Variants in UBR3 observed in about 807,000 individuals in gnomAD.
UBR3 encodes E3 ubiquitin-protein ligase UBR3.
A neutral mutation model predicts 243.2 loss-of-function variants in UBR3; 85 were observed. The observed-to-expected ratio is 0.35, with a 90% CI of 0.29 to 0.42. The LOEUF (loss-of-function observed/expected upper bound fraction) is 0.42, where lower values mean the gene tolerates loss of function less well. Among genes scored for constraint, UBR3 ranks in the 10% least tolerant of loss-of-function variants. The probability of loss-of-function intolerance (pLI) is 1.00; values close to 1 mark genes in which losing one functional copy is unlikely to be tolerated. For missense variants in UBR3, 1,686 were observed against 2,300.8 expected (o/e 0.73, Z 5.47); for synonymous variants, 748 against 799.8 (o/e 0.94, Z 1.09).
intron 1 of UBR3, among the ~76,000 whole-genome samples, chr2:169,840,694 T>C (rs1559005051): frequency 6.6e-6 from 1 of 152,294 alleles, no homozygotes; most frequent in East Asian, 1.9e-4. Context: ...ACCTGCCCTG[T>C]GACAGTTCTC....
chr2:170,021,233 G>A (rs2090383225), intron 30 of UBR3, among the ~76,000 whole-genome samples: 2 of 152,162 alleles, frequency 1.3e-5, no homozygotes, highest in South Asian at 4.1e-4. Flanking sequence ...ATTGGGGGGT[G>A]TGTGGATAAG....
chr2:170,030,975 CG>C (rs1354425886), intron 31 of UBR3, among the ~76,000 whole-genome samples: 1 of 151,972 alleles, frequency 6.6e-6, no homozygotes, highest in Admixed American at 6.6e-5. Flanking sequence ...TATTATTTTT[CG>C]GGGAGATGGG....
intron 1 of UBR3, among the ~76,000 whole-genome samples, chr2:169,870,290 C>T (rs2083393005): frequency 6.6e-6 from 1 of 151,952 alleles, no homozygotes; most frequent in African/African-American, 2.4e-5. Context: ...CATTATTGTT[C>T]ATTTTAAATT....
intron 25 of UBR3, among the ~76,000 whole-genome samples, chr2:169,987,955 T>C (rs2089098070): frequency 6.6e-6 from 1 of 152,182 alleles, no homozygotes. Flanking sequence ...CAATGTAATA[T>C]AAACAAAAAG....
chr2:170,039,997 C>T (rs573363839), intron 31 of UBR3, among the ~76,000 whole-genome samples: 1 of 152,030 alleles, frequency 6.6e-6, no homozygotes, highest in Admixed American at 6.6e-5. Flanking sequence ...GCCTCCCATG[C>T]CTATTGGGAT....
At chr2:169,994,603 A>G in intron 26 of UBR3, 147 bp downstream of exon 26, 4 of 869,340 alleles carry the variant, frequency 4.6e-6, no homozygotes, top group Non-Finnish European at 6.9e-6. Context: ...ATAGAAAGAA[A>G]TGGAAATCTG....
At chr2:170,019,617 G>A (rs2090335623) in intron 30 of UBR3, among the ~76,000 whole-genome samples, 1 of 152,090 alleles carries the variant, frequency 6.6e-6, no homozygotes, top group African/African-American at 2.4e-5. Context: ...CCCAGAAGGT[G>A]GAGGCTGGAG....
intron 1 of UBR3, among the ~76,000 whole-genome samples, chr2:169,835,998 TCTCTCTCTCTC>T (rs1558998209): frequency 0.065 from 2,071 of 32,024 alleles, 155 homozygotes; most frequent in Admixed American, 0.11. Context: ...GCACTGTCTC[TCTCTCTCTCTC>T]TCTCTCTCTC....
At chr2:170,000,044 T>A (rs968379927) in intron 26 of UBR3, among the ~76,000 whole-genome samples, 1 of 151,778 alleles carries the variant, frequency 6.6e-6, no homozygotes, top group East Asian at 1.9e-4. Context: ...GAGAATCACT[T>A]GAACCCGGGA....
chr2:169,956,334 C>A (rs1379194452), intron 23 of UBR3, among the ~76,000 whole-genome samples: 4 of 150,520 alleles, frequency 2.7e-5, no homozygotes, highest in African/African-American at 9.8e-5. Context: ...TAAAAATCAA[C>A]TCCCTTATAT....
intron 1 of UBR3, among the ~76,000 whole-genome samples, chr2:169,834,997 G>A (rs1197184498): frequency 6.6e-6 from 1 of 152,110 alleles, no homozygotes; most frequent in Non-Finnish European, 1.5e-5. Flanking sequence ...GTAGAATAGT[G>A]ATTATCAGAG....
At chr2:169,866,209 G>T (rs1429502088) in intron 1 of UBR3, among the ~76,000 whole-genome samples, 5 of 124,180 alleles carry the variant, frequency 4.0e-5, no homozygotes, top group Non-Finnish European at 1.6e-5. Context: ...CTTTTAAAAC[G>T]TGTACTTGAT....
intron 11 of UBR3, among the ~76,000 whole-genome samples, chr2:169,921,757 C>T (rs961733678): frequency 3.3e-5 from 5 of 151,964 alleles, no homozygotes; most frequent in Non-Finnish European, 5.9e-5. Flanking sequence ...TTTGGGAGGC[C>T]GAGGCAGGTG....
chr2:169,909,594 C>T (rs1245059089), intron 10 of UBR3, among the ~76,000 whole-genome samples: 1 of 151,940 alleles, frequency 6.6e-6, no homozygotes, highest in South Asian at 2.1e-4. Flanking sequence ...AACATGGTGA[C>T]TATAGTTAAT....
chr2:169,866,621 C>T lies in UBR3; in HGVS notation c.546-5615C>T, dbSNP rs533040170. On this transcript the variant is annotated intron_variant, in intron 1 of 38. Coordinates refer to ENST00000272793, the MANE Select transcript of UBR3 (RefSeq NM_172070.4). ...CAAGTGATTCGCCCACCTCGGCCCC[C>T]CAAAGTACTGGGATTACAGGTGTGA... Among the ~76,000 whole-genome samples, 10 of 152,292 alleles carry T rather than the reference C, an allele frequency of 6.6e-5. No individual in the cohort carries two copies. The South Asian group carries it at 2.1e-3, about 32-fold the overall frequency.
chr2:169,926,781 G>A (rs1233667071), intron 15 of UBR3, 37 bp downstream of exon 15: 1 of 1,544,296 alleles, frequency 6.5e-7, no homozygotes, highest in Non-Finnish European at 8.7e-7. Context: ...ATTAGGAAGT[G>A]TCCAGTTAAT....
chr2:169,950,932 TA>T (rs150978034), intron 23 of UBR3, among the ~76,000 whole-genome samples: 6,597 of 151,780 alleles, frequency 0.043, 164 homozygotes, highest in Middle Eastern at 0.068. Flanking sequence ...GTACACAGGC[TA>T]AAAGACCCAG....
chr2:169,946,463 A>C, intron 21 of UBR3, 71 bp downstream of exon 21: 1 of 728,290 alleles, frequency 1.4e-6, no homozygotes, highest in Non-Finnish European at 2.1e-6. Flanking sequence ...TTGTTGCCAA[A>C]CCAGGCATGT....
intron 24 of UBR3, among the ~76,000 whole-genome samples, chr2:169,975,311 G>T (rs1338263203): frequency 1.3e-5 from 2 of 152,192 alleles, no homozygotes; most frequent in African/African-American, 4.8e-5. Context: ...ATTGTGGTCA[G>T]AAAATAAACT....
Sources: allele counts gnomAD v4.1 joint callset (sites outside exome capture counted in the v4.1 genomes callset), GRCh38; gene constraint gnomAD v4.1.1; transcripts MANE v1.5; gene names NCBI Gene and HGNC (gene_info 2026-07-23, HGNC 2026-07-21).